The following PRRC2B variants were observed in gnomAD, a reference collection of about 807,000 sequenced individuals.
The protein encoded by PRRC2B is proline rich coiled-coil 2B.
PRRC2B carries 68 observed loss-of-function variants against 242.3 expected under a neutral mutation model. The observed-to-expected ratio is 0.28, with a 90% CI of 0.23 to 0.34. The LOEUF is 0.34. Ranked by LOEUF, PRRC2B falls within the 10% of genes least tolerant of loss-of-function variation. The probability of loss-of-function intolerance (pLI) is 1.00; values close to 1 mark genes in which losing one functional copy is unlikely to be tolerated. For missense variants in PRRC2B, 2,835 were observed against 2,954.8 expected, an observed-to-expected ratio of 0.96 and a Z score of 0.94; for synonymous variants, 1,228 against 1,173.6, an observed-to-expected ratio of 1.05 and a Z score of -0.95.
chr9:131,489,732 G>T (rs1044448196), intron 28 of PRRC2B, among the ~76,000 whole-genome samples: 2 of 152,148 alleles, frequency 1.3e-5, no homozygotes, highest in Admixed American at 1.3e-4. Context: ...CCCTGCCTAG[G>T]TGCTGCCTGT....
intron 12 of PRRC2B, 66 bp downstream of exon 12, chr9:131,465,144 C>G (rs978553336): frequency 5.5e-6 from 8 of 1,444,798 alleles, no homozygotes; most frequent in South Asian, 1.4e-5. Flanking sequence ...TTGTTACTTG[C>G]AACTGCCTTC....
rs1416166179 is a variant in PRRC2B at position 131,430,591 on chromosome 9, GTGTGTA to G, written c.115+334_115+339del. ...TGTGTGTGTGTGTGTGTGTGTGTGT[GTGTGTA>G]TATATATGTTTTGGAGACAGAGTCT... On this transcript the variant is annotated intron_variant, in intron 2 of 31. Transcript: ENST00000683519. Among the ~76,000 whole-genome samples, 56 of 137,538 alleles carry G rather than the reference GTGTGTA, an allele frequency of 4.1e-4. 1 individual carries two copies. The highest frequency in any genetic ancestry group is 5.3e-4 in the African/African-American group (19 of 36,064). The allele number at this position is 137,538 out of a possible 152,430, so 90.2% of individuals were successfully genotyped here.
chr9:131,395,895 C>G (rs1338686721), intron 1 of PRRC2B, among the ~76,000 whole-genome samples: 1 of 152,100 alleles, frequency 6.6e-6, no homozygotes, highest in African/African-American at 2.4e-5. Context: ...ACGAGATGCT[C>G]AGGACAAACA....
At chr9:131,476,654 G>A (rs918818640) in intron 16 of PRRC2B, 119 bp downstream of exon 16, 15 of 805,528 alleles carry the variant, frequency 1.9e-5, no homozygotes, top group African/African-American at 8.7e-5. Context: ...CCCCCAGGCC[G>A]TCTGTGCGCG....
At chr9:131,469,526 G>A (rs1360226338) in intron 13 of PRRC2B, among the ~76,000 whole-genome samples, 2 of 152,150 alleles carry the variant, frequency 1.3e-5, no homozygotes, top group East Asian at 3.9e-4. Flanking sequence ...TATTTATTGA[G>A]TGCTCTTAAT....
upstream of PRRC2B, among the ~76,000 whole-genome samples, chr9:131,390,028 C>T (rs1836879426): frequency 7.2e-6 from 1 of 139,234 alleles, no homozygotes; most frequent in Non-Finnish European, 1.5e-5. Flanking sequence ...TCAAGCGATT[C>T]TCCTGCCTCA....
At chr9:131,412,588 C>G (rs1003792809) in intron 1 of PRRC2B, among the ~76,000 whole-genome samples, 14 of 152,160 alleles carry the variant, frequency 9.2e-5, no homozygotes, top group African/African-American at 3.1e-4. Context: ...AGTGATGGCA[C>G]CAGGTACATG....
At position 131,413,916 on chromosome 9, in the gene PRRC2B, C is replaced by T. The variant is rs57295236; in HGVS notation, c.-51-16178C>T. The stretch of plus-strand genomic sequence containing the variant: ...TGATCTCCTGACCTCATGATCCACC[C>T]GCCTCGGCCTCCCAAAGTGCTGGGA... On this transcript the variant is annotated intron_variant, in intron 1 of 31. Coordinates refer to ENST00000683519, the MANE Select transcript of PRRC2B (RefSeq NM_013318.4). Among the ~76,000 whole-genome samples the T allele has an allele frequency of 7.6e-3, 1,146 of 150,354 alleles. 16 individuals carry two copies. The highest frequency in any genetic ancestry group is 0.026 in the African/African-American group (1,063 of 40,932).
chr9:131,399,478 C>T (rs913736727), intron 1 of PRRC2B, among the ~76,000 whole-genome samples: 1 of 150,838 alleles, frequency 6.6e-6, no homozygotes, highest in African/African-American at 2.4e-5. Context: ...ACTCAGGAGG[C>T]TGAGGCAGGA....
At chr9:131,486,490 T>C (rs1944029264) in intron 26 of PRRC2B, 2 of 985,316 alleles carry the variant, frequency 2.0e-6, no homozygotes, top group Admixed American at 1.2e-4. Context: ...GGTATCCTTC[T>C]GATGAAGAGA....
At position 131,436,603 on chromosome 9, in the gene PRRC2B, G is replaced by A; in HGVS notation, c.294-17G>A. Reference sequence around the variant, plus strand: ...ACTCTGTGCGGTGCCTGACCCCACTGCCCTGCCTTTGTCTAGTTCCAGTGC... The same window carrying A: ...ACTCTGTGCGGTGCCTGACCCCACTACCCTGCCTTTGTCTAGTTCCAGTGC... On this transcript the variant is annotated splice_polypyrimidine_tract_variant and intron_variant, in intron 3 of 31. Transcript: ENST00000683519. The A allele has an allele frequency of 6.2e-7, 1 of 1,608,378 alleles. No homozygotes were observed. Among genetic ancestry groups the A allele is most frequent in the Admixed American group, 1.7e-5 (1 of 59,808 alleles).
rs550649445 is a variant in PRRC2B at position 131,376,900 on chromosome 9, G to A, written c.-56+3169G>A. ...TATGCACCTGTAATCCCAGGTACTC[G>A]AGACACTGAGGCAGGAGGATGGCTT... is the stretch of plus-strand genomic sequence containing the variant. On this transcript the variant is annotated intron_variant, in intron 1 of 1. Transcript: ENST00000682525. Among the ~76,000 whole-genome samples, 172 of 152,146 alleles carry A rather than the reference G, an allele frequency of 1.1e-3. 2 individuals are homozygous for A. Among genetic ancestry groups the A allele is most frequent in the African/African-American group, 3.4e-3 (143 of 41,516 alleles).
At position 131,490,676 on chromosome 9, in the gene PRRC2B, C is replaced by T. The variant is rs183300780; in HGVS notation, c.6226-749C>T. On this transcript the variant is annotated intron_variant, in intron 28 of 31. Transcript: ENST00000683519. ...TCTTGTTCTAGTTAGTTAGGCCCTGCAGCTACCCTGTTCTCCTGTCAGCAT... is the reference window on the plus strand; with the variant it reads ...TCTTGTTCTAGTTAGTTAGGCCCTGTAGCTACCCTGTTCTCCTGTCAGCAT... 746 of 497,246 alleles carry T rather than the reference C, an allele frequency of 1.5e-3. 1 individual carries two copies. Among genetic ancestry groups the T allele is most frequent in the Non-Finnish European group, 2.6e-3 (639 of 246,714 alleles). The allele number at this position is 497,246 out of a possible 1,614,324, so 30.8% of individuals were successfully genotyped here.
At chr9:131,466,941 ACAG>A (rs2131427889) in intron 12 of PRRC2B, among the ~76,000 whole-genome samples, 1 of 152,086 alleles carries the variant, frequency 6.6e-6, no homozygotes, top group African/African-American at 2.4e-5. Context: ...AGCTGGGACT[ACAG>A]GTGCCCGCCA....
At chr9:131,463,391 G>A (rs1341898514) in intron 11 of PRRC2B, among the ~76,000 whole-genome samples, 1 of 152,106 alleles carries the variant, frequency 6.6e-6, no homozygotes, top group Non-Finnish European at 1.5e-5. Context: ...TTTGACAGCT[G>A]TATACATTTG....
intron 12 of PRRC2B, among the ~76,000 whole-genome samples, chr9:131,467,237 A>G (rs1035980848): frequency 2.6e-5 from 4 of 152,128 alleles, no homozygotes; most frequent in African/African-American, 9.7e-5. Context: ...ACCCGGCCTT[A>G]TTAGTCCTTT....
intron 1 of PRRC2B, among the ~76,000 whole-genome samples, chr9:131,424,489 C>G (rs1436570952): frequency 1.3e-5 from 2 of 152,128 alleles, no homozygotes; most frequent in Non-Finnish European, 2.9e-5. Context: ...GAGTTTGAGA[C>G]AAGCCTGGCC....
At chr9:131,436,571 C>A in intron 3 of PRRC2B, 49 bp from the exon 4 acceptor site, 1 of 1,470,542 alleles carries the variant, frequency 6.8e-7, no homozygotes. Context: ...AGAGACCTGG[C>A]CAGCGCACTC....
chr9:131,485,014 G>A lies in PRRC2B; in HGVS notation c.5632G>A (p.Ala1878Thr), dbSNP rs147686110. ...GCCGGAGCAGAGCTCTCCAGGCGGC[G>A]CTGGCTCAGGCATCCAGCCTCCATC... is the stretch of plus-strand genomic sequence containing the variant. Reference protein sequence around the residue: ...SLPEQSSPGGAGSGIQPPSSV... With the variant: ...SLPEQSSPGGTGSGIQPPSSV... Residue 1878 changes from alanine to threonine, a missense_variant, in exon 25 of 32, where the codon GCT becomes ACT. By Grantham distance (58) the Ala-to-Thr change is moderately conservative. Around this residue, in one of 7 missense-constraint regions of PRRC2B, gnomAD observed 574 missense variants for 626.0 expected, o/e 0.92. Transcript: ENST00000683519. 710 of 1,612,952 alleles carry A rather than the reference G, an allele frequency of 4.4e-4. 3 individuals are homozygous for A. The African/African-American group carries it at 7.9e-3, about 18-fold the overall frequency.
Sources: allele counts gnomAD v4.1 joint callset (sites outside exome capture counted in the v4.1 genomes callset), GRCh38; gene constraint gnomAD v4.1.1; regional missense constraint gnomAD v4.1.1; transcripts MANE v1.5; gene names NCBI Gene and HGNC (gene_info 2026-07-23, HGNC 2026-07-21).